The following GNB4 variants were observed in gnomAD, a reference collection of about 807,000 sequenced individuals.
GNB4 encodes guanine nucleotide-binding protein subunit beta-4.
GNB4 carries 28 observed loss-of-function variants against 45.2 expected under a neutral mutation model. That is an observed-to-expected ratio of 0.62 (90% CI 0.46 to 0.85). The LOEUF (loss-of-function observed/expected upper bound fraction) is 0.85, where lower values mean the gene tolerates loss of function less well. Among genes scored for constraint, GNB4 ranks in the 40% least tolerant of loss-of-function variants. The pLI is 0.00. For synonymous variants in GNB4, 132 were observed against 143.7 expected (o/e 0.92, Z 0.58); for missense variants, 321 against 425.4 (o/e 0.75, Z 2.16).
chr3:179,475,300 T>C, the GNB4 span, among the ~76,000 whole-genome samples: 2 of 150,954 alleles, frequency 1.3e-5, no homozygotes, highest in Non-Finnish European at 3.0e-5. Context: ...TGTATTTTTA[T>C]AATTGCAGAC....
At chr3:179,486,527 A>C in the GNB4 span, among the ~76,000 whole-genome samples, 1 of 152,212 alleles carries the variant, frequency 6.6e-6, no homozygotes, top group Non-Finnish European at 1.5e-5. Flanking sequence ...TGCAAATACA[A>C]AAAGAAAACA....
the GNB4 span, among the ~76,000 whole-genome samples, chr3:179,474,316 C>T: frequency 3.9e-5 from 6 of 152,102 alleles, no homozygotes; most frequent in Admixed American, 6.6e-5. Flanking sequence ...CTCCTCCTCC[C>T]GGGTTCAAGC....
chr3:179,424,902 C>T (rs1240891076), intron 2 of GNB4, among the ~76,000 whole-genome samples: 1 of 152,232 alleles, frequency 6.6e-6, no homozygotes, highest in Non-Finnish European at 1.5e-5. Flanking sequence ...GCCACTGCCC[C>T]CAGCCTACTC....
chr3:179,452,067 T>C (rs1293719079), upstream of GNB4, among the ~76,000 whole-genome samples: 1 of 152,058 alleles, frequency 6.6e-6, no homozygotes, highest in African/African-American at 2.4e-5. Context: ...TTAAATGAAG[T>C]GATGTTTGCA....
chr3:179,414,722 T>C (rs1714744779), intron 6 of GNB4, among the ~76,000 whole-genome samples, 163 bp downstream of exon 6: 1 of 145,374 alleles, frequency 6.9e-6, no homozygotes, highest in Admixed American at 7.0e-5. Flanking sequence ...TCAACGTTTG[T>C]ATGACTATAA....
the GNB4 span, among the ~76,000 whole-genome samples, chr3:179,522,286 C>G: frequency 6.8e-6 from 1 of 147,668 alleles, no homozygotes; most frequent in Non-Finnish European, 1.5e-5. Context: ...TGTGAACCCC[C>G]GCCCCTGCCC....
the GNB4 span, among the ~76,000 whole-genome samples, chr3:179,484,881 C>G: frequency 3.3e-5 from 5 of 149,406 alleles, no homozygotes; most frequent in African/African-American, 1.2e-4. Flanking sequence ...AACAGAAACA[C>G]ACATTAAACA....
chr3:179,454,756 C>T (rs1029920666), upstream of GNB4, among the ~76,000 whole-genome samples: 2 of 152,158 alleles, frequency 1.3e-5, no homozygotes, highest in Non-Finnish European at 2.9e-5. Context: ...TGTATGCATT[C>T]CAATTCTATT....
chr3:179,423,975 C>A (rs1379053413), intron 2 of GNB4, among the ~76,000 whole-genome samples: 2 of 151,848 alleles, frequency 1.3e-5, no homozygotes, highest in Non-Finnish European at 2.9e-5. Context: ...GGCTACAGCA[C>A]AAGTCGCAGG....
At chr3:179,519,418 C>T in the GNB4 span, among the ~76,000 whole-genome samples, 1 of 152,282 alleles carries the variant, frequency 6.6e-6, no homozygotes, top group South Asian at 2.1e-4. Context: ...AGGGTAAGTC[C>T]ATCCCCTTTT....
chr3:179,435,539 T>C (rs1027558513), intron 1 of GNB4, among the ~76,000 whole-genome samples: 4 of 151,428 alleles, frequency 2.6e-5, no homozygotes, highest in African/African-American at 9.7e-5. Flanking sequence ...CAATAGTAAT[T>C]TTTGCTCAAG....
At chr3:179,433,838 T>C (rs1715374074) in intron 1 of GNB4, among the ~76,000 whole-genome samples, 1 of 151,754 alleles carries the variant, frequency 6.6e-6, no homozygotes, top group African/African-American at 2.4e-5. Flanking sequence ...AACAGGAAAA[T>C]GTGCAAAGAT....
At chr3:179,422,849 C>A (rs983238067) in intron 2 of GNB4, among the ~76,000 whole-genome samples, 1 of 152,046 alleles carries the variant, frequency 6.6e-6, no homozygotes, top group African/African-American at 2.4e-5. Context: ...CTGGAGTGCA[C>A]TGGCGCCATC....
At chr3:179,418,547 T>C (rs183454666) in intron 4 of GNB4, among the ~76,000 whole-genome samples, 401 of 151,780 alleles carry the variant, frequency 2.6e-3, no homozygotes, top group African/African-American at 9.3e-3. Flanking sequence ...AATTATATAA[T>C]TTTATGTATC....
At chr3:179,498,199 C>T in the GNB4 span, among the ~76,000 whole-genome samples, 2 of 152,250 alleles carry the variant, frequency 1.3e-5, no homozygotes, top group Non-Finnish European at 2.9e-5. Context: ...TACATGTATA[C>T]CCCATGTTAT....
chr3:179,514,324 C>G, the GNB4 span, among the ~76,000 whole-genome samples: 1 of 152,042 alleles, frequency 6.6e-6, no homozygotes, highest in Non-Finnish European at 1.5e-5. Flanking sequence ...AGGAATATAC[C>G]CAAAGCAAAC....
the GNB4 span, among the ~76,000 whole-genome samples, chr3:179,462,739 G>A: frequency 6.6e-6 from 1 of 152,218 alleles, no homozygotes; most frequent in East Asian, 1.9e-4. Context: ...TCGGGAGGCT[G>A]AGACAGGAGA....
At chr3:179,413,383 A>C (rs1264861718) in intron 8 of GNB4, 29 bp downstream of exon 8, 1 of 1,576,608 alleles carries the variant, frequency 6.3e-7, no homozygotes, top group Non-Finnish European at 8.7e-7. Flanking sequence ...ATGCATAATA[A>C]ATTTTCTCTA....
the GNB4 span, among the ~76,000 whole-genome samples, chr3:179,523,805 C>T: frequency 3.3e-5 from 5 of 151,836 alleles, no homozygotes; most frequent in African/African-American, 1.2e-4. Context: ...GAGGAGGATG[C>T]AAAGGAGGCT....
Sources: gnomAD v4.1 joint callset for allele counts (sites outside exome capture counted in the v4.1 genomes callset) on GRCh38, gnomAD v4.1.1 for gene constraint, MANE v1.5 for transcripts, NCBI Gene and HGNC (gene_info 2026-07-23, HGNC 2026-07-21) for gene names.